Variants in PAK2 observed in about 807,000 individuals in gnomAD.
PAK2 encodes p21 (RAC1) activated kinase 2.
PAK2 carries 21 observed loss-of-function variants against 65.9 expected under a neutral mutation model. That is an observed-to-expected ratio of 0.32 (90% CI 0.23 to 0.46). The LOEUF (loss-of-function observed/expected upper bound fraction) is 0.46. PAK2 is among the 20% of genes least tolerant of loss of function. The pLI is 1.00. For missense variants in PAK2, 324 were observed against 642.6 expected (o/e 0.50, Z 5.36); for synonymous variants, 204 against 219.7 (o/e 0.93, Z 0.63).
chr3:196,819,382 C>T (rs901823582), intron 12 of PAK2, among the ~76,000 whole-genome samples: 6 of 152,130 alleles, frequency 3.9e-5, no homozygotes, highest in South Asian at 4.1e-4. Context: ...GCAGAGGTTG[C>T]CGTGAGCCGA....
chr3:196,816,172 T>C (rs1038579986), intron 11 of PAK2, among the ~76,000 whole-genome samples: 1 of 152,210 alleles, frequency 6.6e-6, no homozygotes, highest in African/African-American at 2.4e-5. Flanking sequence ...TTTCTATGAT[T>C]TGGCTTTCAG....
At chr3:196,814,606 G>A (rs1185546604) in intron 11 of PAK2, 38 bp downstream of exon 11, 3 of 849,308 alleles carry the variant, frequency 3.5e-6, no homozygotes, top group Non-Finnish European at 6.0e-6. Flanking sequence ...ATGGTGATAT[G>A]TGGTTAGCAA....
intron 7 of PAK2, among the ~76,000 whole-genome samples, chr3:196,809,348 CTTTT>C (rs758343803): frequency 1.1e-5 from 1 of 90,714 alleles, no homozygotes; most frequent in Non-Finnish European, 2.0e-5. Flanking sequence ...TTATTATTAT[CTTTT>C]TTTTTTTTTT....
chr3:196,776,182 G>A (rs6773774), intron 1 of PAK2, among the ~76,000 whole-genome samples: 9,957 of 152,240 alleles, frequency 0.065, 478 homozygotes, highest in African/African-American at 0.14. Context: ...GCAGAAGTGG[G>A]TCAAATTGCT....
At chr3:196,754,218 A>G (rs1399312296) in intron 1 of PAK2, among the ~76,000 whole-genome samples, 2 of 152,104 alleles carry the variant, frequency 1.3e-5, no homozygotes, top group Non-Finnish European at 2.9e-5. Context: ...TCCTGAAGTA[A>G]TTTACCTTGT....
intron 2 of PAK2, among the ~76,000 whole-genome samples, chr3:196,796,677 C>A (rs1027993813): frequency 6.6e-6 from 1 of 152,016 alleles, no homozygotes; most frequent in Admixed American, 6.6e-5. Context: ...TTGATAAAAA[C>A]AGACCTACCT....
chr3:196,801,468 G>C (rs1052724592), intron 2 of PAK2, among the ~76,000 whole-genome samples: 1 of 152,092 alleles, frequency 6.6e-6, no homozygotes, highest in African/African-American at 2.4e-5. Flanking sequence ...CAGTTTTTAG[G>C]GGAAATCTTT....
chr3:196,817,714 G>A (rs1001547385), intron 11 of PAK2, among the ~76,000 whole-genome samples: 3 of 152,084 alleles, frequency 2.0e-5, no homozygotes, highest in Non-Finnish European at 4.4e-5. Flanking sequence ...GGCCAGGCTG[G>A]TCTTGAATTC....
chr3:196,785,300 T>C (rs1439291015), intron 2 of PAK2, among the ~76,000 whole-genome samples: 6 of 152,206 alleles, frequency 3.9e-5, no homozygotes, highest in Non-Finnish European at 7.3e-5. Context: ...ATGTATTTCT[T>C]GGTGTGGGTC....
At chr3:196,759,498 G>GTTTT (rs71301221) in intron 1 of PAK2, among the ~76,000 whole-genome samples, 9 of 108,152 alleles carry the variant, frequency 8.3e-5, no homozygotes, top group East Asian at 2.7e-4. Flanking sequence ...GGTTTTTTTT[G>GTTTT]TTTTTTTTTT....
intron 1 of PAK2, among the ~76,000 whole-genome samples, chr3:196,764,176 C>T (rs1714078550): frequency 2.6e-5 from 4 of 152,000 alleles, no homozygotes; most frequent in Admixed American, 2.0e-4. Flanking sequence ...TAAACAGACA[C>T]TGGGAAAAAC....
At chr3:196,775,297 G>A (rs1714499364) in intron 1 of PAK2, among the ~76,000 whole-genome samples, 1 of 152,184 alleles carries the variant, frequency 6.6e-6, no homozygotes, top group South Asian at 2.1e-4. Flanking sequence ...CAACGCTGTG[G>A]TTCCTCTTTA....
intron 1 of PAK2, among the ~76,000 whole-genome samples, chr3:196,753,759 G>C (rs1430509726): frequency 2.6e-5 from 4 of 151,966 alleles, no homozygotes; most frequent in Non-Finnish European, 5.9e-5. Context: ...TTTTTTTCCT[G>C]TGCCTGGATG....
intron 1 of PAK2, among the ~76,000 whole-genome samples, chr3:196,746,385 T>C (rs1285266126): frequency 6.6e-6 from 1 of 152,210 alleles, no homozygotes; most frequent in Non-Finnish European, 1.5e-5. Flanking sequence ...TTGCTGAGGA[T>C]ATGTAATAGT....
Position 196,812,762 on chromosome 3 carries a change from A to C in PAK2, c.846A>C (p.Leu282Phe). 6.6e-7 allele frequency: 1 copy of C among 1,522,868 alleles called. No individual in the cohort carries two copies. Among genetic ancestry groups the C allele is most frequent in the Non-Finnish European group, 9.1e-7 (1 of 1,099,938 alleles). 94.3% of individuals were successfully genotyped at this position (1,522,868 alleles called of 1,614,324 possible). A position where few individuals can be genotyped will look rare whatever the true frequency, so the allele number is the denominator to read the frequency against. The change falls in exon 10 of 15, where the codon TTA (leucine) becomes TTC (phenylalanine). Residue 282 changes from leucine to phenylalanine, a missense_variant. Leu to Phe is a conservative substitution (Grantham distance 22). Around this residue, in one of 5 missense-constraint regions of PAK2, gnomAD observed 183 missense variants for 246.2 expected, o/e 0.74. Coordinates refer to ENST00000327134, the MANE Select transcript of PAK2 (RefSeq NM_002577.4). The part of the protein sequence containing the change: ...GQEVAIKQIN[L>F]QKQPKKELII... ...AGGTTGCTATCAAACAAATTAATTT[A>C]CAGAAACAGCCAAAGAAGGAACTGA...
At chr3:196,742,569 A>C (rs1472526397) in intron 1 of PAK2, among the ~76,000 whole-genome samples, 1 of 152,214 alleles carries the variant, frequency 6.6e-6, no homozygotes, top group Non-Finnish European at 1.5e-5. Flanking sequence ...ATAATATTTG[A>C]GTATATTTCT....
chr3:196,773,655 C>T (rs140355578), intron 1 of PAK2, among the ~76,000 whole-genome samples: 43 of 152,150 alleles, frequency 2.8e-4, no homozygotes, highest in African/African-American at 9.9e-4. Context: ...GTGGGTGGAT[C>T]ACCTGAGGTT....
Position 196,742,079 on chromosome 3 carries a change from G to A in PAK2, c.-22+1922G>A, listed in dbSNP as rs546556710. Among the ~76,000 whole-genome samples, 13 of 151,500 alleles carry A rather than the reference G, an allele frequency of 8.6e-5. No homozygotes were observed. The South Asian group carries it at 2.5e-3, about 29-fold the overall frequency. On this transcript the variant is annotated intron_variant, in intron 1 of 14. Transcript: ENST00000327134. ...ATGATAGACAGGTTCCCAAGTAGAT[G>A]CGGTTAACAATTAATATTTCTTTTT...
At chr3:196,808,337 C>T (rs1003229924) in intron 7 of PAK2, among the ~76,000 whole-genome samples, 10 of 150,374 alleles carry the variant, frequency 6.7e-5, no homozygotes, top group East Asian at 6.0e-4. Flanking sequence ...CCGAGGTGGG[C>T]GGATCACAAG....
Sources: gnomAD v4.1 joint callset for allele counts (sites outside exome capture counted in the v4.1 genomes callset) on GRCh38, gnomAD v4.1.1 for gene constraint, gnomAD v4.1.1 regional missense constraint, MANE v1.5 for transcripts, NCBI Gene and HGNC (gene_info 2026-07-23, HGNC 2026-07-21) for gene names.